The following TESK2 variants were observed in gnomAD, a reference collection of about 807,000 sequenced individuals.
The protein encoded by TESK2 is dual specificity testis-specific protein kinase 2.
Under a neutral mutation model 57.1 loss-of-function variants are expected in TESK2, and 39 were observed. The observed-to-expected ratio is 0.68, with a 90% CI of 0.53 to 0.89. The LOEUF (loss-of-function observed/expected upper bound fraction) is 0.89, where lower values mean the gene tolerates loss of function less well. Among genes scored for constraint, TESK2 ranks in the 40% least tolerant of loss-of-function variants. The pLI is 0.00. For synonymous variants in TESK2, 249 were observed against 267.9 expected (o/e 0.93, Z 0.69); for missense variants, 646 against 732.1 (o/e 0.88, Z 1.36).
chr1:45,485,092 G>C (rs970589407), intron 1 of TESK2, among the ~76,000 whole-genome samples: 1 of 151,718 alleles, frequency 6.6e-6, no homozygotes, highest in Non-Finnish European at 1.5e-5. Flanking sequence ...AAGTCTAAAA[G>C]AATATAAAGA....
intron 2 of TESK2, among the ~76,000 whole-genome samples, chr1:45,435,456 G>A (rs1222528812): frequency 2.0e-5 from 3 of 150,214 alleles, no homozygotes; most frequent in Non-Finnish European, 4.4e-5. Flanking sequence ...TAAAGACAGG[G>A]TCTCACTATA....
intron 3 of TESK2, among the ~76,000 whole-genome samples, chr1:45,405,916 AAAAG>A (rs1179705905): frequency 1.3e-5 from 2 of 151,932 alleles, no homozygotes; most frequent in Non-Finnish European, 2.9e-5. Context: ...AAGAAAAATT[AAAAG>A]AAAGAAGATA....
At chr1:45,439,075 C>T (rs1651340442) in intron 2 of TESK2, among the ~76,000 whole-genome samples, 1 of 151,812 alleles carries the variant, frequency 6.6e-6, no homozygotes, top group Non-Finnish European at 1.5e-5. Context: ...GACAAAGCTC[C>T]CAAACAGAAA....
intron 2 of TESK2, among the ~76,000 whole-genome samples, chr1:45,445,831 C>T (rs1423695340): frequency 8.0e-6 from 1 of 124,290 alleles, no homozygotes; most frequent in Non-Finnish European, 1.8e-5. Flanking sequence ...TACCAGTAAA[C>T]ACAATTAATA....
chr1:45,406,605 T>G (rs1364962742), intron 3 of TESK2, among the ~76,000 whole-genome samples: 1 of 151,764 alleles, frequency 6.6e-6, no homozygotes, highest in Non-Finnish European at 1.5e-5. Flanking sequence ...CAGTAACCCA[T>G]GATCACACCC....
At chr1:45,479,598 C>A (rs1031974889) in intron 1 of TESK2, among the ~76,000 whole-genome samples, 9 of 150,850 alleles carry the variant, frequency 6.0e-5, no homozygotes, top group African/African-American at 1.2e-4. Flanking sequence ...CCAGCCCCCC[C>A]AAAAAATTAT....
At chr1:45,449,147 G>A (rs1270973796) in intron 2 of TESK2, among the ~76,000 whole-genome samples, 1 of 151,090 alleles carries the variant, frequency 6.6e-6, no homozygotes, top group Non-Finnish European at 1.5e-5. Context: ...GCTTGAACCC[G>A]GAAGGCACAG....
intron 2 of TESK2, among the ~76,000 whole-genome samples, chr1:45,441,639 G>C (rs1230856047): frequency 8.1e-6 from 1 of 122,870 alleles, no homozygotes; most frequent in African/African-American, 3.3e-5. Context: ...TTTTTTTTGA[G>C]ACAGAGTCTC....
intron 4 of TESK2, among the ~76,000 whole-genome samples, chr1:45,361,531 T>C (rs954732118): frequency 3.3e-5 from 5 of 152,242 alleles, no homozygotes; most frequent in Admixed American, 1.3e-4. Flanking sequence ...CCTCACTTCC[T>C]CACGGTCTAA....
At chr1:45,410,916 C>T (rs1228672207) in intron 3 of TESK2, among the ~76,000 whole-genome samples, 1 of 152,124 alleles carries the variant, frequency 6.6e-6, no homozygotes, top group African/African-American at 2.4e-5. Context: ...TTGGTCATTC[C>T]TGGGCATAGG....
intron 2 of TESK2, among the ~76,000 whole-genome samples, chr1:45,452,906 C>T (rs1202300546): frequency 6.6e-6 from 1 of 152,022 alleles, no homozygotes; most frequent in Non-Finnish European, 1.5e-5. Context: ...TTTAAAATTA[C>T]CTGACGTGAC....
intron 4 of TESK2, among the ~76,000 whole-genome samples, chr1:45,366,997 A>C (rs1284106656): frequency 6.6e-6 from 1 of 152,048 alleles, no homozygotes; most frequent in Admixed American, 6.6e-5. Flanking sequence ...AGCTGGGCAT[A>C]GTGGTGCATG....
In TESK2 at chr1:45,385,914, C is replaced by T. The variant is rs779004656; in HGVS notation, c.391G>A (p.Glu131Lys). ...VHQGQLHALT[E>K]YINSGNLEQL... is the part of the protein sequence containing the mutation. ...TTCAACACTTACTGATGTCTTACCT[C>T]TGTAAGTGCATGCAATTGTCCTTGA... Residue 131 changes from glutamate to lysine, a missense_variant and splice_region_variant, in exon 4 of 11, where the codon GAG becomes AAG. Glu to Lys is a moderately conservative substitution (Grantham distance 56). Transcript: ENST00000372086. 1 of 1,605,890 alleles carries T rather than the reference C, an allele frequency of 6.2e-7. No individual in the cohort carries two copies. Among genetic ancestry groups the T allele is most frequent in the Non-Finnish European group, 8.5e-7 (1 of 1,175,056 alleles).
intron 2 of TESK2, among the ~76,000 whole-genome samples, chr1:45,444,448 A>T (rs1182664810): frequency 6.6e-6 from 1 of 152,212 alleles, no homozygotes; most frequent in Non-Finnish European, 1.5e-5. Flanking sequence ...ATTTTGTAAT[A>T]GGCATTCATA....
At chr1:45,453,817 T>C (rs1327794074) in intron 2 of TESK2, among the ~76,000 whole-genome samples, 1 of 152,056 alleles carries the variant, frequency 6.6e-6, no homozygotes, top group East Asian at 1.9e-4. Context: ...TCCCTATATA[T>C]AAAATATATA....
At chr1:45,470,133 T>C (rs114111184) in intron 1 of TESK2, among the ~76,000 whole-genome samples, 298 of 152,324 alleles carry the variant, frequency 2.0e-3, no homozygotes, top group Non-Finnish European at 3.3e-3. Context: ...TATACCAATA[T>C]CCTCATCACA....
chr1:45,388,627 A>C lies in TESK2; in HGVS notation c.345-2667T>G, dbSNP rs970990066. Among the ~76,000 whole-genome samples the C allele has an allele frequency of 1.0e-3, 153 of 152,020 alleles. 5 individuals carry two copies. Among genetic ancestry groups the C allele is most frequent in the Non-Finnish European group, 2.2e-4 (15 of 68,014 alleles). On this transcript the variant is annotated intron_variant, in intron 3 of 10. Coordinates refer to ENST00000372086, the MANE Select transcript of TESK2 (RefSeq NM_007170.3). Reference sequence around the variant, plus strand: ...TTACTATCTAGCCCTTTATAGAAAAAGTCTGCTGACTACAATGGTTTGAAT... The same window carrying C: ...TTACTATCTAGCCCTTTATAGAAAACGTCTGCTGACTACAATGGTTTGAAT...
chr1:45,385,584 T>C (rs1648856841), intron 4 of TESK2, among the ~76,000 whole-genome samples: 2 of 152,176 alleles, frequency 1.3e-5, no homozygotes, highest in South Asian at 4.1e-4. Context: ...AACTTAATAC[T>C]TTAATACTTG....
intron 1 of TESK2, among the ~76,000 whole-genome samples, chr1:45,469,801 A>T (rs909718547): frequency 5.9e-5 from 9 of 152,198 alleles, no homozygotes; most frequent in Non-Finnish European, 1.0e-4. Flanking sequence ...GCCAAATCCC[A>T]ATCATTCTCT....
Sources: allele counts gnomAD v4.1 joint callset (sites outside exome capture counted in the v4.1 genomes callset), GRCh38; gene constraint gnomAD v4.1.1; transcripts MANE v1.5; gene names NCBI Gene and HGNC (gene_info 2026-07-23, HGNC 2026-07-21).